Variants in FAF1 observed in about 807,000 individuals in gnomAD.
The protein encoded by FAF1 is Fas associated factor 1.
FAF1 carries 25 observed loss-of-function variants against 92.5 expected under a neutral mutation model. That is an observed-to-expected ratio of 0.27 (90% CI 0.20 to 0.38). The LOEUF is 0.38. FAF1 is among the 10% of genes least tolerant of loss of function. The probability of loss-of-function intolerance (pLI) is 1.00; values close to 1 mark genes in which losing one functional copy is unlikely to be tolerated. For missense variants in FAF1, 636 were observed against 793.3 expected (o/e 0.80, Z 2.38); for synonymous variants, 234 against 273.2 (o/e 0.86, Z 1.42).
chr1:50,819,386 A>C (rs1244191935), intron 2 of FAF1, among the ~76,000 whole-genome samples: 1 of 151,448 alleles, frequency 6.6e-6, no homozygotes, highest in African/African-American at 2.4e-5. Context: ...AGATTGAGGA[A>C]GGGAGATCGA....
intron 6 of FAF1, among the ~76,000 whole-genome samples, chr1:50,725,097 G>A (rs1658588765): frequency 6.6e-6 from 1 of 152,194 alleles, no homozygotes; most frequent in Non-Finnish European, 1.5e-5. Flanking sequence ...CTCTCCATCA[G>A]GTGCTTGCCC....
At chr1:50,892,357 C>G (rs187708336) in intron 1 of FAF1, among the ~76,000 whole-genome samples, 1 of 152,276 alleles carries the variant, frequency 6.6e-6, no homozygotes, top group Non-Finnish European at 1.5e-5. Flanking sequence ...TGCGCTGCAC[C>G]CACTGTCCGA....
chr1:50,688,354 G>A (rs1467967952), intron 7 of FAF1, among the ~76,000 whole-genome samples: 1 of 151,996 alleles, frequency 6.6e-6, no homozygotes, highest in Non-Finnish European at 1.5e-5. Flanking sequence ...ATACGTAATA[G>A]AAATGAAAGC....
intron 4 of FAF1, among the ~76,000 whole-genome samples, chr1:50,777,630 T>C (rs1390806346): frequency 1.3e-5 from 2 of 152,014 alleles, no homozygotes; most frequent in African/African-American, 4.8e-5. Flanking sequence ...TTGATAAGTT[T>C]GGACAATCAA....
chr1:50,482,259 A>T (rs1430432777), intron 17 of FAF1, among the ~76,000 whole-genome samples: 3 of 152,152 alleles, frequency 2.0e-5, no homozygotes, highest in African/African-American at 7.2e-5. Flanking sequence ...ACTTAGCATA[A>T]TATATTTGAG....
intron 4 of FAF1, among the ~76,000 whole-genome samples, chr1:50,784,299 GA>G (rs1014042424): frequency 8.8e-4 from 129 of 145,952 alleles, no homozygotes; most frequent in African/African-American, 3.1e-3. Context: ...TTCTACCAAA[GA>G]AAAAAAAAAC....
At chr1:50,883,687 T>C (rs1344810647) in intron 1 of FAF1, among the ~76,000 whole-genome samples, 1 of 152,096 alleles carries the variant, frequency 6.6e-6, no homozygotes, top group Non-Finnish European at 1.5e-5. Context: ...AACCATCAAA[T>C]GTAATATACA....
At chr1:50,571,230 G>T (rs1476875997) in intron 12 of FAF1, among the ~76,000 whole-genome samples, 2 of 152,308 alleles carry the variant, frequency 1.3e-5, no homozygotes, top group South Asian at 2.1e-4. Context: ...GGCAGAGAGG[G>T]TCTAAGTCTG....
chr1:50,924,733 A>G (rs1365496959), intron 1 of FAF1, among the ~76,000 whole-genome samples: 1 of 152,232 alleles, frequency 6.6e-6, no homozygotes, highest in African/African-American at 2.4e-5. Flanking sequence ...CTGTAAACCC[A>G]GCACTTTGGG....
rs113123268 is a variant in FAF1 at position 50,957,052 on chromosome 1, C to T, written c.45+2715G>A. On this transcript the variant is annotated intron_variant, in intron 1 of 18. Transcript: ENST00000396153. ...ATAAAAATTGAGATAATATAAAAAA[C>T]AGGAAGAATCATCACTTTTTACTAA... 2.3e-3 allele frequency among the ~76,000 whole-genome samples: 344 copies of T among 152,214 alleles called. 3 individuals carry two copies. The highest frequency in any genetic ancestry group is 0.014 in the South Asian group (69 of 4,824).
At chr1:50,851,264 T>C (rs1644346752) in intron 2 of FAF1, among the ~76,000 whole-genome samples, 1 of 152,106 alleles carries the variant, frequency 6.6e-6, no homozygotes, top group South Asian at 2.1e-4. Flanking sequence ...TATTTTTTGG[T>C]AGAGACGAGG....
In FAF1 at chr1:50,768,338, A is replaced by G. The variant is rs535746057; in HGVS notation, c.367+19662T>C. On this transcript the variant is annotated intron_variant, in intron 4 of 18. Transcript: ENST00000396153. The stretch of plus-strand genomic sequence containing the variant: ...ACAAAGAGACTTAAGATAACCACAC[A>G]ATAATAGTAGACTTCAACACCCCAC... Among the ~76,000 whole-genome samples the G allele has an allele frequency of 8.5e-5, 13 of 152,304 alleles. No homozygotes were observed. In the East Asian group the frequency reaches 2.1e-3, roughly 25 times the overall value.
chr1:50,607,522 T>G (rs1022875071), intron 8 of FAF1, among the ~76,000 whole-genome samples: 18 of 152,206 alleles, frequency 1.2e-4, no homozygotes, highest in African/African-American at 4.3e-4. Flanking sequence ...GATCCAAAAA[T>G]GTGCCTTGCA....
intron 2 of FAF1, among the ~76,000 whole-genome samples, chr1:50,826,124 T>G (rs899211649): frequency 6.6e-6 from 1 of 151,748 alleles, no homozygotes; most frequent in Non-Finnish European, 1.5e-5. Flanking sequence ...GAAAGCAAAT[T>G]AAAACCAAAG....
At chr1:50,460,913 A>G (rs929846135) in intron 18 of FAF1, among the ~76,000 whole-genome samples, 2 of 152,106 alleles carry the variant, frequency 1.3e-5, no homozygotes, top group African/African-American at 4.8e-5. Flanking sequence ...TTGGCCTCCC[A>G]AAGTGCTAGG....
chr1:50,943,028 C>T (rs909081225), intron 1 of FAF1, among the ~76,000 whole-genome samples: 3 of 152,100 alleles, frequency 2.0e-5, no homozygotes, highest in Non-Finnish European at 2.9e-5. Flanking sequence ...AAATCTAGAA[C>T]AATCAGTACC....
At chr1:50,940,267 T>A (rs1645120814) in intron 1 of FAF1, among the ~76,000 whole-genome samples, 1 of 152,156 alleles carries the variant, frequency 6.6e-6, no homozygotes, top group Admixed American at 6.5e-5. Context: ...TAAAAAAAAG[T>A]TATTTCATAT....
chr1:50,509,270 G>C (rs188493547), intron 15 of FAF1, among the ~76,000 whole-genome samples: 52 of 152,266 alleles, frequency 3.4e-4, no homozygotes, highest in Admixed American at 1.0e-3. Context: ...CACATCTAAA[G>C]TATAAATGAT....
intron 9 of FAF1, 110 bp downstream of exon 9, chr1:50,596,011 C>T (rs1651788717): frequency 2.9e-6 from 2 of 693,310 alleles, no homozygotes; most frequent in Admixed American, 2.7e-5. Flanking sequence ...TTAATTAATG[C>T]TACATTAACT....
Sources: allele counts gnomAD v4.1 joint callset (sites outside exome capture counted in the v4.1 genomes callset), GRCh38; gene constraint gnomAD v4.1.1; transcripts MANE v1.5; gene names NCBI Gene and HGNC (gene_info 2026-07-23, HGNC 2026-07-21).